DHCR7: variants seen among roughly 807,000 people sequenced by gnomAD.
The protein encoded by DHCR7 is 7-DHC reductase.
In DHCR7, 40 loss-of-function variants were observed where a neutral mutation model predicts 43.3. That is an observed-to-expected ratio of 0.92 (90% CI 0.72 to 1.20). The LOEUF (loss-of-function observed/expected upper bound fraction) is 1.20. DHCR7 is among the 50% of genes most tolerant of loss of function. The pLI is 0.00. For synonymous variants in DHCR7, 298 were observed against 271.4 expected, an observed-to-expected ratio of 1.10 and a Z score of -0.96; for missense variants, 608 against 644.6, an observed-to-expected ratio of 0.94 and a Z score of 0.62.
Position 71,437,929 on chromosome 11 carries a change from A to G in DHCR7, c.846T>C (p.Ile282=). Residue 282 remains isoleucine (I), a synonymous_variant, in exon 8 of 9, where the codon ATT becomes ATC. Transcript: ENST00000355527. ...ACCAGGTTTCGTTCCAGAAGAAGTC[A>G]ATCACGTAGATGGCCTGCAAGACAG... The part of the protein sequence containing the change: ...LVNVLQAIYV[I]DFFWNETWYL... 1 of 1,613,510 alleles carries G rather than the reference A, an allele frequency of 6.2e-7. No individual in the cohort carries two copies. Among genetic ancestry groups the G allele is most frequent in the East Asian group, 2.2e-5 (1 of 44,866 alleles).
rs200132007 is a variant in DHCR7 at position 71,438,945 on chromosome 11, G to A, written c.765C>T (p.Phe255=). ...IVAWTLINLS[F]AAKQRELHSH... is the part of the protein sequence containing the mutation. ...TGTGGAGCTCCCGCTGCTTCGCTGC[G>A]AAGGACAGGTTGATGAGGGTCCAGG... The change falls in exon 7 of 9, where the codon TTC becomes TTT. Residue 255 remains phenylalanine (F), a synonymous_variant. Coordinates refer to ENST00000355527, the MANE Select transcript of DHCR7 (RefSeq NM_001360.3). The A allele has an allele frequency of 3.0e-4, 479 of 1,613,916 alleles. 1 individual carries two copies. Among genetic ancestry groups the A allele is most frequent in the Non-Finnish European group, 3.7e-4 (440 of 1,180,052 alleles).
In DHCR7 at chr11:71,434,642, A is replaced by C. The variant is rs1949251117; in HGVS notation, c.*733T>G. On this transcript the variant is annotated 3_prime_UTR_variant, in exon 9 of 9. Transcript: ENST00000355527. ...CTCGAGCCAGAGTCTGCACAGTCAT[A>C]GGGCAAGCAGAAAATTCTTTCGAGA... The C allele has an allele frequency of 1.8e-5, 3 of 167,010 alleles. No individual in the cohort carries two copies. Among genetic ancestry groups the C allele is most frequent in the Admixed American group, 1.1e-4 (2 of 17,888 alleles). The allele number at this position is 167,010 out of a possible 1,614,324, so 10.3% of individuals were successfully genotyped here.
intron 7 of DHCR7, among the ~76,000 whole-genome samples, chr11:71,438,214 T>C (rs1949309896): frequency 6.6e-6 from 1 of 152,140 alleles, no homozygotes; most frequent in South Asian, 2.1e-4. Flanking sequence ...CAATGGCGCG[T>C]GCCAAGGGGA....
chr11:71,444,549 A>G (rs913969137), intron 3 of DHCR7, among the ~76,000 whole-genome samples: 1 of 152,228 alleles, frequency 6.6e-6, no homozygotes, highest in African/African-American at 2.4e-5. Context: ...CGAAGTCCCC[A>G]TGGTTCTATG....
chr11:71,436,738 T>C (rs1949285851), intron 8 of DHCR7, among the ~76,000 whole-genome samples: 1 of 152,024 alleles, frequency 6.6e-6, no homozygotes, highest in Non-Finnish European at 1.5e-5. Flanking sequence ...GCCCTGAAGA[T>C]CTTGGACTTG....
Position 71,444,138 on chromosome 11 carries a change from A to G in DHCR7, c.176T>C (p.Met59Thr). 6.2e-7 allele frequency: 1 copy of G among 1,611,898 alleles called. No homozygotes were observed. The highest frequency in any genetic ancestry group is 8.5e-7 in the Non-Finnish European group (1 of 1,178,970). Reference sequence around the variant, plus strand: ...GGCGCAGCTGTACTGGTCACAAGCCATGATGAAGTAGTAGACGATGAAGGG... The same window carrying G: ...GGCGCAGCTGTACTGGTCACAAGCCGTGATGAAGTAGTAGACGATGAAGGG... ...FAPFIVYYFIMACDQYSCALT... is the reference protein window; with the variant it reads ...FAPFIVYYFITACDQYSCALT... The change falls in exon 4 of 9, where the codon ATG (methionine) becomes ACG (threonine). Residue 59 changes from methionine (M) to threonine (T), a missense_variant. By Grantham distance (81) the Met-to-Thr change is moderately conservative (BLOSUM62 -1). Coordinates refer to ENST00000355527, the MANE Select transcript of DHCR7 (RefSeq NM_001360.3).
At position 71,435,785 on chromosome 11, in the gene DHCR7, C is replaced by A; in HGVS notation, c.1018G>T (p.Val340Phe). ...VQLSTPHAVGVLLLGLVGYYI... is the reference protein window; with the variant it reads ...VQLSTPHAVGFLLLGLVGYYI... The stretch of plus-strand genomic sequence containing the variant: ...TAGCCCACCAGGCCCAGCAGCAGGA[C>A]GCCCACGGCGTGCGGGGTGGACAGC... The change falls in exon 9 of 9, where the codon GTC (valine) becomes TTC (phenylalanine). Residue 340 changes from valine to phenylalanine, a missense_variant. Transcript: ENST00000355527. 1 of 1,608,518 alleles carries A rather than the reference C, an allele frequency of 6.2e-7. No individual in the cohort carries two copies. The highest frequency in any genetic ancestry group is 2.2e-5 in the East Asian group (1 of 44,744).
Position 71,435,063 on chromosome 11 carries a change from C to T in DHCR7, c.*312G>A. ...GGCAGAGTGTAGCGTGGCCTGGGCT[C>T]CTAATACAGGTAAATTGTCTCCAAA... On this transcript the variant is annotated 3_prime_UTR_variant, in exon 9 of 9. Transcript: ENST00000355527. 2 of 575,894 alleles carry T rather than the reference C, an allele frequency of 3.5e-6. No individual in the cohort carries two copies. The highest frequency in any genetic ancestry group is 6.6e-6 in the Non-Finnish European group (2 of 303,548). The allele number at this position is 575,894 out of a possible 1,614,324, so 35.7% of individuals were successfully genotyped here. A position where few individuals can be genotyped will look rare whatever the true frequency, so the allele number is the denominator to read the frequency against.
At chr11:71,436,325 A>G (rs1419864388) in intron 8 of DHCR7, among the ~76,000 whole-genome samples, 1 of 152,186 alleles carries the variant, frequency 6.6e-6, no homozygotes, top group African/African-American at 2.4e-5. Flanking sequence ...GACAGCTTTA[A>G]GAGACAGAAG....
At chr11:71,439,181 T>C in intron 6 of DHCR7, 98 bp from the exon 7 acceptor site, 1 of 1,195,468 alleles carries the variant, frequency 8.4e-7, no homozygotes, top group Non-Finnish European at 1.2e-6. Flanking sequence ...CCCAGGGTCC[T>C]AAAGGGTAAC....
At chr11:71,444,387 T>C in intron 3 of DHCR7, 172 bp from the exon 4 acceptor site, 1 of 645,916 alleles carries the variant, frequency 1.5e-6, no homozygotes, top group Admixed American at 2.3e-5. Flanking sequence ...CCACTCAACA[T>C]GCCTGCTCTA....
chr11:71,433,534 C>G (rs1565583473), downstream of DHCR7, among the ~76,000 whole-genome samples: 1 of 152,210 alleles, frequency 6.6e-6, no homozygotes, highest in Non-Finnish European at 1.5e-5. Flanking sequence ...AGCAAATTGG[C>G]CTGGAAAGCC....
Position 71,441,423 on chromosome 11 carries a change from G to C in DHCR7, c.430C>G (p.Gln144Glu). 6.2e-7 allele frequency: 1 copy of C among 1,613,210 alleles called. No homozygotes were observed. Among genetic ancestry groups the C allele is most frequent in the Non-Finnish European group, 8.5e-7 (1 of 1,179,432 alleles). Residue 144 changes from glutamine (Q) to glutamate (E), a missense_variant, in exon 6 of 9, where the codon CAG becomes GAG. Coordinates refer to ENST00000355527, the MANE Select transcript of DHCR7 (RefSeq NM_001360.3). Reference sequence around the variant, plus strand: ...AGCCAGGCTTGCAGGCCATTGATCTGATACTTGTTCACAACCCCTGCAGAT... The same window carrying C: ...AGCCAGGCTTGCAGGCCATTGATCTCATACTTGTTCACAACCCCTGCAGAT... Reference protein sequence around the residue: ...VTPAGVVNKYQINGLQAWLLT... With the variant: ...VTPAGVVNKYEINGLQAWLLT...
intron 4 of DHCR7, 88 bp from the exon 5 acceptor site, chr11:71,442,441 T>C: frequency 1.0e-6 from 1 of 968,880 alleles, no homozygotes; most frequent in Non-Finnish European, 1.6e-6. Context: ...ATCACAATCA[T>C]AGTCTTTTTC....
In DHCR7 at chr11:71,437,944, C is replaced by A; in HGVS notation, c.832-1G>T. The A allele has an allele frequency of 1.2e-6, 2 of 1,613,022 alleles. No individual in the cohort carries two copies. The highest frequency in any genetic ancestry group is 1.7e-6 in the Non-Finnish European group (2 of 1,180,002). ...AGAAGAAGTCAATCACGTAGATGGC[C>A]TGCAAGACAGAAGCAGCCGCTGACC... On this transcript the variant is annotated splice_acceptor_variant, in intron 7 of 8. Transcript: ENST00000355527. LOFTEE classifies it high-confidence loss of function.
In DHCR7 at chr11:71,435,336, T is replaced by C. The variant is rs1949260958; in HGVS notation, c.*39A>G. The C allele has an allele frequency of 6.2e-7, 1 of 1,603,388 alleles. No individual in the cohort carries two copies. Among genetic ancestry groups the C allele is most frequent in the Admixed American group, 1.7e-5 (1 of 59,992 alleles). On this transcript the variant is annotated 3_prime_UTR_variant, in exon 9 of 9. Transcript: ENST00000355527. ...CCCCCATGGACCTGGCAGAACACGCTCTTGACAGCCCCACAGGGCTTCTCC... is the reference window on the plus strand; with the variant it reads ...CCCCCATGGACCTGGCAGAACACGCCCTTGACAGCCCCACAGGGCTTCTCC...
chr11:71,432,855 C>T (rs1445915221), downstream of DHCR7, among the ~76,000 whole-genome samples: 1 of 152,212 alleles, frequency 6.6e-6, no homozygotes, highest in Non-Finnish European at 1.5e-5. Flanking sequence ...CCTCCCAGGA[C>T]AGAGATATGT....
chr11:71,446,189 G>C (rs1949401002), intron 2 of DHCR7, among the ~76,000 whole-genome samples: 1 of 135,302 alleles, frequency 7.4e-6, no homozygotes, highest in Admixed American at 8.5e-5. Flanking sequence ...GAAAATTATT[G>C]ATATATGTGA....
chr11:71,431,532 G>A (rs1022911173), downstream of DHCR7, among the ~76,000 whole-genome samples: 7 of 152,148 alleles, frequency 4.6e-5, no homozygotes, highest in East Asian at 1.9e-4. Context: ...GTCGGCCCTC[G>A]GTGGCACCAG....
Sources: allele counts gnomAD v4.1 joint callset (sites outside exome capture counted in the v4.1 genomes callset), GRCh38; gene constraint gnomAD v4.1.1; transcripts MANE v1.5; gene names NCBI Gene and HGNC (gene_info 2026-07-23, HGNC 2026-07-21).